The following MACROD2 variants were observed in gnomAD, a reference collection of about 807,000 sequenced individuals.
MACROD2 encodes the protein ADP-ribose glycohydrolase MACROD2.
MACROD2 carries 36 observed loss-of-function variants against 70.4 expected under a neutral mutation model. The observed-to-expected ratio is 0.51, with a 90% CI of 0.39 to 0.68. The LOEUF (loss-of-function observed/expected upper bound fraction) is 0.68, where lower values mean the gene tolerates loss of function less well. Ranked by LOEUF, MACROD2 falls within the 30% of genes least tolerant of loss-of-function variation. The probability of loss-of-function intolerance (pLI) is 0.00; values close to 1 mark genes in which losing one functional copy is unlikely to be tolerated. For synonymous variants in MACROD2, 172 were observed against 178.8 expected (o/e 0.96, Z 0.30); for missense variants, 496 against 538.4 (o/e 0.92, Z 0.78).
At chr20:14,985,520 G>A (rs1262082883) in intron 5 of MACROD2, among the ~76,000 whole-genome samples, 2 of 152,216 alleles carry the variant, frequency 1.3e-5, no homozygotes, top group East Asian at 1.9e-4. Context: ...GGTCCCAACA[G>A]CAGTGGACTC....
intron 5 of MACROD2, among the ~76,000 whole-genome samples, chr20:15,191,969 A>G (rs1357499997): frequency 6.6e-6 from 1 of 152,044 alleles, no homozygotes; most frequent in African/African-American, 2.4e-5. Context: ...ACAACTTTAT[A>G]TAGTTAAATA....
chr20:14,726,646 A>G (rs2071533572), intron 5 of MACROD2, among the ~76,000 whole-genome samples: 1 of 152,124 alleles, frequency 6.6e-6, no homozygotes, highest in Non-Finnish European at 1.5e-5. Flanking sequence ...TCAAAACAAC[A>G]CTATGGCTTA....
intron 5 of MACROD2, among the ~76,000 whole-genome samples, chr20:15,141,719 C>T (rs2076193770): frequency 6.6e-6 from 1 of 151,990 alleles, no homozygotes; most frequent in Non-Finnish European, 1.5e-5. Context: ...ACTTTTGTTT[C>T]AATGCTGCCA....
chr20:14,373,356 A>G lies in MACROD2; in HGVS notation c.272-120123A>G, dbSNP rs376254169. 1.5e-3 allele frequency among the ~76,000 whole-genome samples: 224 copies of G among 152,300 alleles called. 6 individuals are homozygous for G. In the South Asian group the frequency reaches 0.045, roughly 30 times the overall value. The stretch of plus-strand genomic sequence containing the variant: ...ATACATTTGAATTATGACAACATCA[A>G]GAGGTTATTTAGACCAAAATAGGTT... On this transcript the variant is annotated intron_variant, in intron 3 of 17. Coordinates refer to ENST00000684519, the MANE Select transcript of MACROD2 (RefSeq NM_001351661.2).
chr20:14,655,967 A>G (rs1434506283), intron 4 of MACROD2, among the ~76,000 whole-genome samples: 2 of 152,224 alleles, frequency 1.3e-5, no homozygotes, highest in Non-Finnish European at 2.9e-5. Context: ...CCCTGGAAAT[A>G]GAAATGAAGA....
chr20:15,234,557 G>T (rs2076997175), intron 6 of MACROD2, among the ~76,000 whole-genome samples: 1 of 152,162 alleles, frequency 6.6e-6, no homozygotes, highest in Admixed American at 6.5e-5. Flanking sequence ...AATCCCAGAA[G>T]TCTAATGCAT....
chr20:14,267,265 CAGCACAGGTTAAGACTACA>C (rs1468249660), intron 3 of MACROD2, among the ~76,000 whole-genome samples: 2 of 152,086 alleles, frequency 1.3e-5, no homozygotes, highest in Admixed American at 6.5e-5. Flanking sequence ...CACTTAATGA[CAGCACAGGTTAAGACTACA>C]ACAGTGCTGC....
chr20:14,826,604 A>G (rs1019603542), intron 5 of MACROD2, among the ~76,000 whole-genome samples: 3 of 152,172 alleles, frequency 2.0e-5, no homozygotes, highest in Admixed American at 2.0e-4. Flanking sequence ...ATTTCACTCA[A>G]TGCGTGTCTC....
chr20:14,423,754 A>ATTTTTTTTT, intron 3 of MACROD2, among the ~76,000 whole-genome samples: 1 of 117,068 alleles, frequency 8.5e-6, no homozygotes, highest in Non-Finnish European at 1.9e-5. Context: ...TGACATCTTA[A>ATTTTTTTTT]ATTTTTTTTT....
intron 5 of MACROD2, among the ~76,000 whole-genome samples, chr20:15,144,882 C>CT (rs2076219185): frequency 6.6e-6 from 1 of 152,082 alleles, no homozygotes. Flanking sequence ...GTACTATATA[C>CT]TATACTTACT....
intron 3 of MACROD2, among the ~76,000 whole-genome samples, chr20:14,451,513 T>G (rs538813082): frequency 6.6e-6 from 1 of 152,136 alleles, no homozygotes; most frequent in Admixed American, 6.5e-5. Context: ...TTAATCCCAC[T>G]GGGAACTCTG....
At chr20:15,442,449 T>C (rs903535125) in intron 7 of MACROD2, among the ~76,000 whole-genome samples, 5 of 152,120 alleles carry the variant, frequency 3.3e-5, no homozygotes, top group Non-Finnish European at 5.9e-5. Flanking sequence ...GAATCTACCA[T>C]GGTGTCAATG....
chr20:14,438,522 C>T (rs377666985), intron 3 of MACROD2, among the ~76,000 whole-genome samples: 11 of 152,246 alleles, frequency 7.2e-5, no homozygotes, highest in African/African-American at 2.6e-4. Context: ...AATTTACATT[C>T]CCACCAACAG....
At chr20:14,016,867 G>A (rs1157008920) in intron 2 of MACROD2, among the ~76,000 whole-genome samples, 2 of 151,922 alleles carry the variant, frequency 1.3e-5, no homozygotes, top group African/African-American at 2.4e-5. Flanking sequence ...ATGAATTTTA[G>A]GATTTTTTTT....
chr20:15,324,270 T>C (rs112822577), intron 6 of MACROD2, among the ~76,000 whole-genome samples: 96 of 152,264 alleles, frequency 6.3e-4, no homozygotes, highest in African/African-American at 2.2e-3. Context: ...ATGAAACCTA[T>C]AGCCAAAGAT....
intron 8 of MACROD2, among the ~76,000 whole-genome samples, chr20:15,642,066 C>A (rs1469056540): frequency 6.6e-6 from 1 of 152,144 alleles, no homozygotes; most frequent in East Asian, 1.9e-4. Context: ...AACCTATTTT[C>A]TTTCCTGTCT....
intron 8 of MACROD2, among the ~76,000 whole-genome samples, chr20:15,560,444 T>G (rs1600590780): frequency 6.6e-6 from 1 of 152,064 alleles, no homozygotes; most frequent in East Asian, 1.9e-4. Context: ...ATTTTGCCAT[T>G]GAAAAATAAC....
At chr20:14,459,835 C>T (rs1279858006) in intron 3 of MACROD2, among the ~76,000 whole-genome samples, 1 of 152,056 alleles carries the variant, frequency 6.6e-6, no homozygotes, top group African/African-American at 2.4e-5. Flanking sequence ...ATCAACCCGT[C>T]ATCTACATTA....
At chr20:15,089,026 G>A (rs2075773886) in intron 5 of MACROD2, among the ~76,000 whole-genome samples, 2 of 152,206 alleles carry the variant, frequency 1.3e-5, no homozygotes, top group Non-Finnish European at 1.5e-5. Flanking sequence ...AAGCAGTAGA[G>A]TAGGACAGTT....
Sources: allele counts gnomAD v4.1 joint callset (sites outside exome capture counted in the v4.1 genomes callset), GRCh38; gene constraint gnomAD v4.1.1; transcripts MANE v1.5; gene names NCBI Gene and HGNC (gene_info 2026-07-23, HGNC 2026-07-21).